CCDC200: variants seen among roughly 807,000 people sequenced by gnomAD.
CCDC200 encodes the protein coiled-coil domain-containing protein 200.
chr17:43,222,431 T>G (rs963612472), intron 3 of CCDC200, among the ~76,000 whole-genome samples: 3 of 152,166 alleles, frequency 2.0e-5, no homozygotes, highest in African/African-American at 7.2e-5. Context: ...CCTCCCAAAG[T>G]GCTGGGATTT....
chr17:43,225,256 ACTC>A (rs2057559133), intron 1 of CCDC200, among the ~76,000 whole-genome samples: 1 of 150,186 alleles, frequency 6.7e-6, no homozygotes, highest in Non-Finnish European at 1.5e-5. Context: ...TTGGTTTGGA[ACTC>A]CTAGCCTCAA....
chr17:43,222,678 C>A (rs1277136190), intron 3 of CCDC200, among the ~76,000 whole-genome samples: 1 of 151,448 alleles, frequency 6.6e-6, no homozygotes, highest in Non-Finnish European at 1.5e-5. Flanking sequence ...GCAGCCTCAA[C>A]CTCTGGTGCT....
chr17:43,222,551 C>T (rs958773845), intron 3 of CCDC200, among the ~76,000 whole-genome samples: 5 of 151,456 alleles, frequency 3.3e-5, no homozygotes, highest in African/African-American at 4.9e-5. Flanking sequence ...TTATGGATAG[C>T]GCTGAGCAAT....
intron 1 of CCDC200, among the ~76,000 whole-genome samples, chr17:43,226,975 T>A (rs2057573620): frequency 6.6e-6 from 1 of 152,024 alleles, no homozygotes; most frequent in African/African-American, 2.4e-5. Flanking sequence ...TATATTTTTG[T>A]TGTTGTTGTT....
intron 3 of CCDC200, among the ~76,000 whole-genome samples, chr17:43,222,172 CTCTG>C (rs375858064): frequency 1.4e-4 from 21 of 151,514 alleles, no homozygotes; most frequent in Non-Finnish European, 2.8e-4. Context: ...ATGCTCTTTC[CTCTG>C]TCTGTCTGTC....
intron 1 of CCDC200, among the ~76,000 whole-genome samples, chr17:43,227,218 AT>A (rs2057575523): frequency 6.6e-6 from 1 of 151,540 alleles, no homozygotes; most frequent in Non-Finnish European, 1.5e-5. Flanking sequence ...ACCACAGGTG[AT>A]CCACCTGCCT....
chr17:43,223,047 G>A (rs1157527380), intron 3 of CCDC200, among the ~76,000 whole-genome samples: 1 of 151,684 alleles, frequency 6.6e-6, no homozygotes, highest in East Asian at 1.9e-4. Context: ...GATTACAGGT[G>A]TGAGCCACCG....
chr17:43,222,769 T>C (rs979084699), intron 3 of CCDC200, among the ~76,000 whole-genome samples: 5 of 139,054 alleles, frequency 3.6e-5, no homozygotes, highest in African/African-American at 7.8e-5. Context: ...TGTTTTTTTT[T>C]TTCGTTTTTT....
intron 2 of CCDC200, chr17:43,223,975 C>G (rs936167947): frequency 6.6e-6 from 1 of 152,222 alleles, no homozygotes; most frequent in East Asian, 1.9e-4. Context: ...CGTAGGTTGG[C>G]ATTAACCCAC....
rs1354107219 is a variant in CCDC200 at position 43,221,567 on chromosome 17, T to G, written c.*4A>C. 6.6e-6 allele frequency: 1 copy of G among 152,562 alleles called. No individual in the cohort carries two copies. The highest frequency in any genetic ancestry group is 2.4e-5 in the African/African-American group (1 of 41,428). 9.5% of individuals were successfully genotyped at this position (152,562 alleles called of 1,614,324 possible). A position where few individuals can be genotyped will look rare whatever the true frequency, so the allele number is the denominator to read the frequency against. On this transcript the variant is annotated 3_prime_UTR_variant, in exon 4 of 4. Transcript: ENST00000636331. ...GCCATGGGGTCCTGGGTTCAATCTC[T>G]GGATCACCACTGCTGTATGTAATTG...
intron 1 of CCDC200, among the ~76,000 whole-genome samples, chr17:43,225,827 G>A (rs2057565832): frequency 6.9e-6 from 1 of 144,006 alleles, no homozygotes; most frequent in Admixed American, 7.1e-5. Flanking sequence ...TCTGCTTCCT[G>A]AGTTCAAGCG....
At chr17:43,222,597 T>C (rs2057540360) in intron 3 of CCDC200, among the ~76,000 whole-genome samples, 2 of 150,452 alleles carry the variant, frequency 1.3e-5, no homozygotes, top group South Asian at 4.2e-4. Flanking sequence ...TCCTTTTTTT[T>C]TTTTTTTCTT....
At chr17:43,226,587 A>G (rs763126229) in intron 1 of CCDC200, among the ~76,000 whole-genome samples, 1 of 151,718 alleles carries the variant, frequency 6.6e-6, no homozygotes, top group Non-Finnish European at 1.5e-5. Flanking sequence ...TTAGAGACGG[A>G]TTTCACCATG....
intron 3 of CCDC200, among the ~76,000 whole-genome samples, chr17:43,223,340 C>A (rs766106351): frequency 6.7e-6 from 1 of 148,882 alleles, no homozygotes; most frequent in Non-Finnish European, 1.5e-5. Context: ...CTACTGCACC[C>A]AGCTTCCTAC....
intron 1 of CCDC200, among the ~76,000 whole-genome samples, chr17:43,225,206 A>T (rs2057558657): frequency 1.3e-5 from 2 of 151,450 alleles, no homozygotes; most frequent in Non-Finnish European, 2.9e-5. Flanking sequence ...GCTAATTTTT[A>T]AATTTTCTGT....
intron 1 of CCDC200, among the ~76,000 whole-genome samples, chr17:43,225,978 C>T (rs1302091499): frequency 2.0e-5 from 3 of 151,850 alleles, no homozygotes; most frequent in East Asian, 2.0e-4. Flanking sequence ...GTGATCCACC[C>T]GCCTCGGCCT....
chr17:43,223,549 A>G lies in CCDC200; in HGVS notation c.480+7T>C, dbSNP rs2057548635. ...TCTGTCTTTCACAGTCTGTGTCCCT[A>G]TCTTACCTTGAGTTGTGAATACCCA... On this transcript the variant is annotated splice_region_variant and intron_variant, in intron 3 of 3. Transcript: ENST00000636331. 6.9e-6 allele frequency: 1 copy of G among 145,740 alleles called. No individual in the cohort carries two copies. The highest frequency in any genetic ancestry group is 7.0e-5 in the Admixed American group (1 of 14,288). The allele number at this position is 145,740 out of a possible 1,614,324, so 9.0% of individuals were successfully genotyped here. A position where few individuals can be genotyped will look rare whatever the true frequency, so the allele number is the denominator to read the frequency against.
chr17:43,227,475 A>G (rs550789210), intron 1 of CCDC200, among the ~76,000 whole-genome samples: 69 of 152,168 alleles, frequency 4.5e-4, no homozygotes, highest in African/African-American at 1.6e-3. Flanking sequence ...CAATAATAAA[A>G]TCAAATAAAG....
chr17:43,222,458 C>T (rs565033751), intron 3 of CCDC200, among the ~76,000 whole-genome samples: 5 of 152,106 alleles, frequency 3.3e-5, no homozygotes, highest in African/African-American at 4.8e-5. Context: ...TGGGCCCCTG[C>T]GCCTGGCCCC....
Sources: allele counts gnomAD v4.1 joint callset (sites outside exome capture counted in the v4.1 genomes callset), GRCh38; gene constraint gnomAD v4.1.1; transcripts MANE v1.5; gene names NCBI Gene and HGNC (gene_info 2026-07-23, HGNC 2026-07-21).